The following SYNE1 variants were observed in gnomAD, a reference collection of about 807,000 sequenced individuals.
SYNE1 encodes nesprin-1.
SYNE1 carries 616 observed loss-of-function variants against 1,111.0 expected under a neutral mutation model. The ratio of observed to expected loss-of-function variants is 0.55; its 90% CI spans 0.52 to 0.59. SYNE1 has a LOEUF of 0.59. SYNE1 is among the 20% of genes least tolerant of loss of function. The probability of loss-of-function intolerance (pLI) is 0.00; values close to 1 mark genes in which losing one functional copy is unlikely to be tolerated. For synonymous variants in SYNE1, 3,855 were observed against 3,825.8 expected, an observed-to-expected ratio of 1.01 and a Z score of -0.28; for missense variants, 10,006 against 10,417.0, an observed-to-expected ratio of 0.96 and a Z score of 1.72.
intron 108 of SYNE1, among the ~76,000 whole-genome samples, chr6:152,238,452 T>C (rs1400766687): frequency 6.6e-6 from 1 of 152,228 alleles, no homozygotes; most frequent in Non-Finnish European, 1.5e-5. Flanking sequence ...AAAGTGTAAC[T>C]ATTATTACAG....
chr6:152,359,813 T>A, intron 64 of SYNE1, among the ~76,000 whole-genome samples: 1 of 147,668 alleles, frequency 6.8e-6, no homozygotes, highest in Non-Finnish European at 1.5e-5. Flanking sequence ...CCCCTTCTCT[T>A]TCCATCTCTT....
intron 104 of SYNE1, among the ~76,000 whole-genome samples, chr6:152,253,956 CTT>C (rs1265527375): frequency 1.4e-5 from 2 of 147,076 alleles, no homozygotes; most frequent in Non-Finnish European, 3.0e-5. Flanking sequence ...TCAATTAAAA[CTT>C]ATGTATTCTC....
intron 3 of SYNE1, among the ~76,000 whole-genome samples, chr6:152,618,102 T>C (rs1480238639): frequency 6.6e-6 from 1 of 152,204 alleles, no homozygotes; most frequent in Admixed American, 6.5e-5. Context: ...TTGAAAGATC[T>C]TTCTTATTAC....
chr6:152,603,798 T>C (rs535349041), intron 3 of SYNE1, among the ~76,000 whole-genome samples: 5 of 120,384 alleles, frequency 4.2e-5, no homozygotes, highest in Admixed American at 8.1e-5. Flanking sequence ...TTATTTTATA[T>C]ACATATATAG....
intron 71 of SYNE1, 116 bp from the exon 72 acceptor site, chr6:152,350,451 TACCAGGAATGGAAAACA>T (rs2096721518): frequency 6.6e-7 from 1 of 1,512,468 alleles, no homozygotes; most frequent in African/African-American, 1.4e-5. Context: ...CTTAGAAAAC[TACCAGGAATGGAAAACA>T]ACATAGTCAT....
intron 89 of SYNE1, 55 bp downstream of exon 89, chr6:152,310,341 C>G (rs200136366): frequency 3.3e-4 from 531 of 1,610,256 alleles, no homozygotes; most frequent in Non-Finnish European, 4.3e-4. Context: ...CCTTACTATC[C>G]TCTTTTAAAA....
chr6:152,397,038 G>C, intron 49 of SYNE1, 58 bp from the exon 50 acceptor site: 1 of 1,552,468 alleles, frequency 6.4e-7, no homozygotes, highest in African/African-American at 1.4e-5. Flanking sequence ...ATTGTGAGCT[G>C]AAGTAGTAAA....
chr6:152,178,217 C>G (rs1040142857), intron 129 of SYNE1, among the ~76,000 whole-genome samples: 1 of 151,916 alleles, frequency 6.6e-6, no homozygotes, highest in African/African-American at 2.4e-5. Flanking sequence ...TCCCCACACT[C>G]TCACAATATA....
chr6:152,242,515 C>T (rs769496502), intron 106 of SYNE1, 75 bp from the exon 107 acceptor site: 89 of 1,550,028 alleles, frequency 5.7e-5, no homozygotes, highest in South Asian at 1.9e-4. Context: ...GAACTATGAA[C>T]GCACCAAGCC....
chr6:152,634,292 C>A (rs1344729926), intron 2 of SYNE1, among the ~76,000 whole-genome samples: 1 of 152,134 alleles, frequency 6.6e-6, no homozygotes, highest in Non-Finnish European at 1.5e-5. Flanking sequence ...TAAACAGATT[C>A]ACAACAGCAG....
Position 152,232,216 on chromosome 6 carries a change from C to T in SYNE1, c.20762G>A (p.Ser6921Asn), listed in dbSNP as rs372288820. The change falls in exon 113 of 146, where the codon AGT becomes AAT. Residue 6921 changes from serine to asparagine, a missense_variant. By Grantham distance (46) the Ser-to-Asn change is conservative. Transcript: ENST00000367255. The stretch of plus-strand genomic sequence containing the variant: ...AACATTTTCCATTAGAGAAATCCAA[C>T]TCATGACTTCAGAAATGGCATGGCG... ...PSRHAISEVM[S>N]WISLMENVIQ... is the part of the protein sequence containing the mutation. 1.9e-6 allele frequency: 3 copies of T among 1,613,850 alleles called. No homozygotes were observed. The African/African-American group carries it at 4.0e-5, about 22-fold the overall frequency.
chr6:152,476,742 G>A (rs943961039), intron 14 of SYNE1, among the ~76,000 whole-genome samples: 1 of 152,118 alleles, frequency 6.6e-6, no homozygotes, highest in African/African-American at 2.4e-5. Context: ...GGTGGCCCAT[G>A]CCTGTAGTCC....
intron 108 of SYNE1, among the ~76,000 whole-genome samples, chr6:152,238,155 G>A (rs369376903): frequency 8.6e-4 from 131 of 152,282 alleles, no homozygotes; most frequent in African/African-American, 3.0e-3. Context: ...AAACAGAACT[G>A]GGTAGGGGTG....
intron 3 of SYNE1, among the ~76,000 whole-genome samples, chr6:152,622,157 G>T (rs2099676896): frequency 6.6e-6 from 1 of 152,166 alleles, no homozygotes; most frequent in Non-Finnish European, 1.5e-5. Context: ...TGTGGGAAAA[G>T]AGAGATTAAA....
chr6:152,604,493 A>C (rs1221156805), intron 3 of SYNE1, among the ~76,000 whole-genome samples: 1 of 151,982 alleles, frequency 6.6e-6, no homozygotes, highest in East Asian at 1.9e-4. Flanking sequence ...TTGTAGCGAT[A>C]AGGTTTTGCC....
intron 127 of SYNE1, among the ~76,000 whole-genome samples, chr6:152,197,612 G>A (rs79521685): frequency 0.021 from 3,156 of 152,250 alleles, 54 homozygotes; most frequent in African/African-American, 0.034. Flanking sequence ...AGATATCTAG[G>A]GTGACTACGT....
At chr6:152,387,824 G>A (rs2097547418) in intron 53 of SYNE1, among the ~76,000 whole-genome samples, 1 of 152,042 alleles carries the variant, frequency 6.6e-6, no homozygotes, top group South Asian at 2.1e-4. Context: ...AAAATTCAAG[G>A]TATCCTTCCT....
intron 72 of SYNE1, among the ~76,000 whole-genome samples, chr6:152,348,459 TG>T (rs1357558672): frequency 6.6e-6 from 1 of 152,134 alleles, no homozygotes; most frequent in Non-Finnish European, 1.5e-5. Context: ...CTGAGACTGG[TG>T]GATCACCTGA....
chr6:152,136,738 G>A lies in SYNE1; in HGVS notation c.25539C>T (p.Asp8513=). 4 of 1,614,248 alleles carry A rather than the reference G, an allele frequency of 2.5e-6. No individual in the cohort carries two copies. The highest frequency in any genetic ancestry group is 3.4e-6 in the Non-Finnish European group (4 of 1,180,048). ...CCTGCAGGTCCCGGCTCTCCTTGCT[G>A]TCAGCCTGGGTGAACTCAGGGCTGC... ...NLCSPEFTQA[D]SKESRDLQDR... The change falls in exon 141 of 146, where the codon GAC becomes GAT. Residue 8513 remains aspartate, a synonymous_variant. Coordinates refer to ENST00000367255, the MANE Select transcript of SYNE1 (RefSeq NM_182961.4).
Sources: allele counts gnomAD v4.1 joint callset (sites outside exome capture counted in the v4.1 genomes callset), GRCh38; gene constraint gnomAD v4.1.1; transcripts MANE v1.5; gene names NCBI Gene and HGNC (gene_info 2026-07-23, HGNC 2026-07-21).